Variants in AFDN observed in about 807,000 individuals in gnomAD.
AFDN encodes afadin, adherens junction formation factor, also known as afadin.
In AFDN, 68 loss-of-function variants were observed where a neutral mutation model predicts 216.6. The ratio of observed to expected loss-of-function variants is 0.31; its 90% CI spans 0.26 to 0.38. The LOEUF (loss-of-function observed/expected upper bound fraction) is 0.38. Ranked by LOEUF, AFDN falls within the 10% of genes least tolerant of loss-of-function variation. The pLI, the probability that AFDN is intolerant of heterozygous loss-of-function variation, is 1.00. For synonymous variants in AFDN, 868 were observed against 853.7 expected (o/e 1.02, Z -0.29); for missense variants, 2,136 against 2,342.0 (o/e 0.91, Z 1.82).
intron 1 of AFDN, chr6:167,828,009 T>G (rs1486379980): frequency 6.6e-6 from 1 of 152,052 alleles, no homozygotes; most frequent in East Asian, 1.9e-4. Context: ...TGAGTCCAAG[T>G]CCACTAGGAA....
rs1394016321 is a variant in AFDN at position 167,970,116 on chromosome 6, C to T, written c.*181C>T. On this transcript the variant is annotated 3_prime_UTR_variant, in exon 34 of 34. Coordinates refer to ENST00000683244, the MANE Select transcript of AFDN (RefSeq NM_001386888.1). ...TTCCAAGAAATTTTATTTTACTTTACCATGAGATTGCCATTTATGTAATTT... is the reference window on the plus strand; with the variant it reads ...TTCCAAGAAATTTTATTTTACTTTATCATGAGATTGCCATTTATGTAATTT... 2 of 559,182 alleles carry T rather than the reference C, an allele frequency of 3.6e-6. No individual in the cohort carries two copies. The highest frequency in any genetic ancestry group is 6.0e-6 in the Non-Finnish European group (2 of 331,112). The allele number at this position is 559,182 out of a possible 1,614,324, so 34.6% of individuals were successfully genotyped here. A position where few individuals can be genotyped will look rare whatever the true frequency, so the allele number is the denominator to read the frequency against.
rs570795070 is a variant in AFDN, at chr6:167,864,842, C to T, written c.301+96C>T. ...TTGTGGTCATGTCAGGTTTACTGCT[C>T]GTCTCCATCTTTCTTCTCTTTTGGT... On this transcript the variant is annotated intron_variant, in intron 2 of 33. Transcript: ENST00000683244. 6.6e-5 allele frequency: 81 copies of T among 1,232,016 alleles called. No homozygotes were observed. The East Asian group carries it at 1.3e-3, about 19-fold the overall frequency. The allele number at this position is 1,232,016 out of a possible 1,614,324, so 76.3% of individuals were successfully genotyped here.
intron 13 of AFDN, among the ~76,000 whole-genome samples, chr6:167,910,576 C>T (rs1583372739): frequency 1.3e-5 from 2 of 152,168 alleles, no homozygotes; most frequent in African/African-American, 4.8e-5. Context: ...AGGCATGCGT[C>T]ACTGTAAGCA....
At chr6:167,837,339 A>G (rs1780559630) in intron 1 of AFDN, among the ~76,000 whole-genome samples, 1 of 151,440 alleles carries the variant, frequency 6.6e-6, no homozygotes, top group African/African-American at 2.4e-5. Flanking sequence ...AAGGTAACAA[A>G]TTACCTAGTG....
intron 1 of AFDN, among the ~76,000 whole-genome samples, chr6:167,850,678 G>A (rs1036611487): frequency 7.9e-5 from 12 of 152,138 alleles, no homozygotes; most frequent in Non-Finnish European, 1.6e-4. Context: ...CTTAGTTGCA[G>A]ATTCAAGATG....
chr6:167,961,336 T>G (rs2128742249), intron 30 of AFDN, among the ~76,000 whole-genome samples: 1 of 152,344 alleles, frequency 6.6e-6, no homozygotes, highest in East Asian at 1.9e-4. Flanking sequence ...AGATAAGAAG[T>G]AAATGGAGAA....
At chr6:167,967,953 G>C (rs1173308168) in intron 32 of AFDN, among the ~76,000 whole-genome samples, 1 of 152,090 alleles carries the variant, frequency 6.6e-6, no homozygotes, top group Non-Finnish European at 1.5e-5. Flanking sequence ...AGTAATGCCA[G>C]ATTTGAACAT....
chr6:167,966,672 AATTCT>A (rs1179680569), intron 32 of AFDN, among the ~76,000 whole-genome samples: 3 of 152,084 alleles, frequency 2.0e-5, no homozygotes, highest in Non-Finnish European at 1.5e-5. Context: ...CAAAGGTTAT[AATTCT>A]ATTATAAGTT....
At chr6:167,834,455 C>CG (rs748372018) in intron 1 of AFDN, among the ~76,000 whole-genome samples, 91 of 60,874 alleles carry the variant, frequency 1.5e-3, no homozygotes, top group Non-Finnish European at 2.4e-3. Flanking sequence ...GTTGTTGTTT[C>CG]GGTTTTTTTT....
chr6:167,830,824 A>G (rs1324682470), intron 1 of AFDN, among the ~76,000 whole-genome samples: 1 of 151,858 alleles, frequency 6.6e-6, no homozygotes, highest in Non-Finnish European at 1.5e-5. Flanking sequence ...TGGAGTAGGA[A>G]GTCTTCAGGT....
chr6:167,933,020 CT>C (rs1181220013), intron 23 of AFDN, among the ~76,000 whole-genome samples: 1 of 152,128 alleles, frequency 6.6e-6, no homozygotes, highest in Admixed American at 6.5e-5. Flanking sequence ...TTTCATCCTG[CT>C]GGGTATAATA....
rs1025003128 is a variant in AFDN at position 167,889,106 on chromosome 6, A to G, written c.898-109A>G. 1.6e-5 allele frequency: 11 copies of G among 683,950 alleles called. No homozygotes were observed. The Admixed American group carries it at 2.9e-4, about 18-fold the overall frequency. 42.4% of individuals were successfully genotyped at this position (683,950 alleles called of 1,614,324 possible). ...GAGTGAGAATTGTTTCTAGTGCTTA[A>G]TTCTACGGTGACATTTTATTCATTC... On this transcript the variant is annotated intron_variant, in intron 6 of 33. Coordinates refer to ENST00000683244, the MANE Select transcript of AFDN (RefSeq NM_001386888.1).
rs759518348 is a variant in AFDN at position 167,951,889 on chromosome 6, T to C, written c.4535T>C (p.Leu1512Pro). Residue 1512 changes from leucine to proline, a missense_variant, in exon 30 of 34, where the codon CTT becomes CCT. Physicochemically the swap from Leu to Pro is moderately conservative, Grantham distance 98 (BLOSUM62 -3). Around this residue, in one of 8 missense-constraint regions of AFDN, gnomAD observed 981 missense variants for 966.0 expected, o/e 1.02. Transcript: ENST00000683244. This position sits in a 1 kb window ranked among gnomAD's most constrained non-coding sequence, Gnocchi z 7.1. Reference protein sequence around the residue: ...LQYITVSKEELSSGDSLSPDP... With the variant: ...LQYITVSKEEPSSGDSLSPDP... Reference sequence around the variant, plus strand: ...TACATTACAGTCAGCAAAGAGGAGCTTTCCTCGGGGGACAGTCTGTCCCCC... The same window carrying C: ...TACATTACAGTCAGCAAAGAGGAGCCTTCCTCGGGGGACAGTCTGTCCCCC... 2 of 1,613,796 alleles carry C rather than the reference T, an allele frequency of 1.2e-6. No individual in the cohort carries two copies. The highest frequency in any genetic ancestry group is 1.7e-6 in the Non-Finnish European group (2 of 1,179,928).
At chr6:167,858,143 A>G (rs981447851) in intron 1 of AFDN, among the ~76,000 whole-genome samples, 1 of 152,134 alleles carries the variant, frequency 6.6e-6, no homozygotes, top group Admixed American at 6.6e-5. Context: ...CATAATGCTG[A>G]CTAAGAGTTT....
In AFDN at chr6:167,911,159, A is replaced by C. The variant is rs1468630524; in HGVS notation, c.1828A>C (p.Ser610Arg). ...ACCTGCAAGCATTGAATTCAGGGAAAGTTGTGAGTAATTTCAGATTTCATT... is the reference window on the plus strand; with the variant it reads ...ACCTGCAAGCATTGAATTCAGGGAACGTTGTGAGTAATTTCAGATTTCATT... ...ILPASIEFRE[S>R]SEDSFLSAII... Residue 610 changes from serine to arginine, a missense_variant, in exon 14 of 34, where the codon AGT becomes CGT. By Grantham distance (110) the Ser-to-Arg change is moderately radical. Transcript: ENST00000683244. 7 of 1,613,552 alleles carry C rather than the reference A, an allele frequency of 4.3e-6. No homozygotes were observed. Among genetic ancestry groups the C allele is most frequent in the Non-Finnish European group, 5.9e-6 (7 of 1,179,656 alleles).
intron 23 of AFDN, among the ~76,000 whole-genome samples, chr6:167,941,714 G>T (rs1265607209): frequency 3.0e-5 from 2 of 66,224 alleles, no homozygotes; most frequent in Non-Finnish European, 5.5e-5. Context: ...GGGATGTAGG[G>T]GTGAGGGTGG....
intron 1 of AFDN, among the ~76,000 whole-genome samples, chr6:167,831,108 G>A (rs184354432): frequency 6.6e-5 from 10 of 151,804 alleles, no homozygotes; most frequent in African/African-American, 2.2e-4. Context: ...CATCTGGCTA[G>A]CTTTTGTATT....
chr6:167,953,760 C>G (rs1404399195), intron 30 of AFDN, among the ~76,000 whole-genome samples: 1 of 152,182 alleles, frequency 6.6e-6, no homozygotes, highest in East Asian at 1.9e-4. Context: ...GGTGCATGCT[C>G]CTCTGCTCTG....
At chr6:167,964,464 C>T in intron 31 of AFDN, 2 of 1,065,396 alleles carry the variant, frequency 1.9e-6, no homozygotes, top group Non-Finnish European at 2.3e-6. Flanking sequence ...TTTGTGTAGA[C>T]AAGAAGATGA....
Sources: allele counts gnomAD v4.1 joint callset (sites outside exome capture counted in the v4.1 genomes callset), GRCh38; gene constraint gnomAD v4.1.1; regional missense constraint gnomAD v4.1.1; non-coding constraint Gnocchi (gnomAD v3.1); transcripts MANE v1.5; gene names NCBI Gene and HGNC (gene_info 2026-07-23, HGNC 2026-07-21).